The following SHOC2 variants were observed in gnomAD, a reference collection of about 807,000 sequenced individuals.
SHOC2 encodes SHOC2 leucine rich repeat scaffold protein.
SHOC2 carries 4 observed loss-of-function variants against 50.2 expected under a neutral mutation model. The observed-to-expected ratio is 0.08, with a 90% confidence interval of 0.04 to 0.18. SHOC2 has a LOEUF of 0.18. Ranked by LOEUF, SHOC2 falls within the 10% of genes least tolerant of loss-of-function variation. The probability of loss-of-function intolerance (pLI) is 1.00; values close to 1 mark genes in which losing one functional copy is unlikely to be tolerated. For synonymous variants in SHOC2, 218 were observed against 244.5 expected (o/e 0.89, Z 1.01); for missense variants, 388 against 669.6 (o/e 0.58, Z 4.64).
intron 2 of SHOC2, 121 bp from the exon 3 acceptor site, chr10:110,985,507 A>T: frequency 1.4e-6 from 1 of 690,548 alleles, no homozygotes; most frequent in East Asian, 2.9e-5. Flanking sequence ...TGCCTATCTA[A>T]TAAGGTTATG....
chr10:110,971,901 T>G (rs7088524), intron 2 of SHOC2, among the ~76,000 whole-genome samples: 2 of 151,882 alleles, frequency 1.3e-5, no homozygotes, highest in Admixed American at 1.3e-4. Flanking sequence ...TACATATAAC[T>G]GACACATACA....
intron 2 of SHOC2, among the ~76,000 whole-genome samples, chr10:110,982,086 A>G (rs1273648140): frequency 1.4e-5 from 2 of 141,554 alleles, no homozygotes; most frequent in Middle Eastern, 3.7e-3. Context: ...GTTCCCACCT[A>G]TGAGTGAGAA....
At chr10:111,009,224 A>C (rs1246449929) in intron 6 of SHOC2, 24 bp from the exon 7 acceptor site, 15 of 1,464,172 alleles carry the variant, frequency 1.0e-5, no homozygotes, top group Non-Finnish European at 1.4e-5. Flanking sequence ...GATTTCCTAA[A>C]CATTATCAAT....
intron 2 of SHOC2, among the ~76,000 whole-genome samples, chr10:110,972,681 C>G (rs1246289346): frequency 1.3e-5 from 2 of 151,986 alleles, no homozygotes; most frequent in East Asian, 3.9e-4. Context: ...CCCGTCTCTA[C>G]AAAAAATTAG....
chr10:110,969,617 G>A (rs10885070), intron 2 of SHOC2, among the ~76,000 whole-genome samples: 84,110 of 151,950 alleles, frequency 0.55, 25,836 homozygotes, highest in Non-Finnish European at 0.69. Context: ...TCTCTGAATT[G>A]TGGGTTTAGG....
chr10:110,920,180 A>C (rs909477200), intron 1 of SHOC2: 6 of 152,324 alleles, frequency 3.9e-5, no homozygotes, highest in Non-Finnish European at 8.8e-5. Context: ...CCTGGAGTCC[A>C]CCTTGCTCTC....
chr10:110,958,561 T>A (rs1481716436), intron 1 of SHOC2, among the ~76,000 whole-genome samples: 2 of 152,146 alleles, frequency 1.3e-5, no homozygotes, highest in Non-Finnish European at 2.9e-5. Context: ...CAGTATCATC[T>A]TCTACATGCG....
chr10:110,987,664 T>G (rs989208121), intron 3 of SHOC2, among the ~76,000 whole-genome samples: 2 of 152,188 alleles, frequency 1.3e-5, no homozygotes, highest in African/African-American at 4.8e-5. Context: ...CACAATTATT[T>G]CATGCTTTTT....
chr10:110,942,096 C>T (rs1399623016), intron 1 of SHOC2, among the ~76,000 whole-genome samples: 1 of 151,070 alleles, frequency 6.6e-6, no homozygotes, highest in Non-Finnish European at 1.5e-5. Flanking sequence ...GGGTTCTTTA[C>T]CCACGTGTGA....
intron 3 of SHOC2, among the ~76,000 whole-genome samples, chr10:110,991,126 A>G (rs1031032280): frequency 6.6e-6 from 1 of 152,118 alleles, no homozygotes; most frequent in African/African-American, 2.4e-5. Flanking sequence ...TTATTATTTA[A>G]TATTTTTATA....
chr10:110,928,515 C>T (rs2134072709), intron 1 of SHOC2, among the ~76,000 whole-genome samples: 2 of 152,218 alleles, frequency 1.3e-5, no homozygotes, highest in Admixed American at 1.3e-4. Flanking sequence ...GTTGAGCCTG[C>T]ACTAGTTGTA....
chr10:110,978,496 A>C (rs1475767088), intron 2 of SHOC2, among the ~76,000 whole-genome samples: 1 of 152,278 alleles, frequency 6.6e-6, no homozygotes, highest in East Asian at 1.9e-4. Context: ...TAGTTTTGAG[A>C]TGTGATCTTT....
intron 1 of SHOC2, among the ~76,000 whole-genome samples, chr10:110,958,855 C>A (rs1564712565): frequency 6.6e-6 from 1 of 151,944 alleles, no homozygotes; most frequent in Non-Finnish European, 1.5e-5. Flanking sequence ...CTTTCTGTTT[C>A]TAGAATTATT....
At chr10:110,940,927 T>TGG (rs1847128078) in intron 1 of SHOC2, among the ~76,000 whole-genome samples, 1 of 8,200 alleles carries the variant, frequency 1.2e-4, no homozygotes, top group Non-Finnish European at 3.2e-4. Context: ...TTTTTTTTTT[T>TGG]TTTTTTTTTT....
rs138055318 is a variant in SHOC2 at position 110,964,435 on chromosome 10, A to G, written c.77A>G (p.Lys26Arg). 18 of 1,613,248 alleles carry G rather than the reference A, an allele frequency of 1.1e-5. No individual in the cohort carries two copies. Among genetic ancestry groups the G allele is most frequent in the Non-Finnish European group, 1.5e-5 (18 of 1,179,884 alleles). ...GTACCATCAGCCAAGGAAAGAGAAA[A>G]GGAGGCAAAAGCCTCTGGAGGTTTT... ...PKVPSAKERE[K>R]EAKASGGFGK... is the part of the protein sequence containing the mutation. The change falls in exon 2 of 9, where the codon AAG becomes AGG. Residue 26 changes from lysine to arginine, a missense_variant. Coordinates refer to ENST00000369452, the MANE Select transcript of SHOC2 (RefSeq NM_007373.4). This position sits in a 1 kb window ranked among gnomAD's most constrained non-coding sequence, Gnocchi z 4.9.
intron 1 of SHOC2, among the ~76,000 whole-genome samples, chr10:110,941,488 T>A (rs12569835): frequency 0.094 from 14,239 of 151,992 alleles, 980 homozygotes; most frequent in East Asian, 0.24. Context: ...TGTGCCACCA[T>A]GCCTGGCTAA....
At chr10:110,982,015 C>G (rs1262428552) in intron 2 of SHOC2, among the ~76,000 whole-genome samples, 1 of 115,330 alleles carries the variant, frequency 8.7e-6, no homozygotes, top group Admixed American at 1.0e-4. Context: ...CTCCCCCCAC[C>G]CCACAACAGT....
intron 1 of SHOC2, among the ~76,000 whole-genome samples, chr10:110,933,944 A>G (rs1160996900): frequency 1.3e-5 from 2 of 152,202 alleles, no homozygotes; most frequent in Non-Finnish European, 2.9e-5. Context: ...AAAAAGCCAC[A>G]GTGTGTGTTA....
chr10:110,971,271 A>G (rs1847777145), intron 2 of SHOC2, among the ~76,000 whole-genome samples: 1 of 152,090 alleles, frequency 6.6e-6, no homozygotes, highest in Non-Finnish European at 1.5e-5. Context: ...CTGCATATAT[A>G]TATATCCAGC....
Sources: allele counts gnomAD v4.1 joint callset (sites outside exome capture counted in the v4.1 genomes callset), GRCh38; gene constraint gnomAD v4.1.1; non-coding constraint Gnocchi (gnomAD v3.1); transcripts MANE v1.5; gene names NCBI Gene and HGNC (gene_info 2026-07-23, HGNC 2026-07-21).